Variants in ADAMTS6 observed in about 807,000 individuals in gnomAD.
The protein encoded by ADAMTS6 is A disintegrin and metalloproteinase with thrombospondin motifs 6.
Under a neutral mutation model 144.3 loss-of-function variants are expected in ADAMTS6, and 23 were observed. The ratio of observed to expected loss-of-function variants is 0.16; its 90% CI spans 0.11 to 0.23. The LOEUF is 0.23. Among genes scored for constraint, ADAMTS6 ranks in the 10% least tolerant of loss-of-function variants. The probability of loss-of-function intolerance (pLI) is 1.00; values close to 1 mark genes in which losing one functional copy is unlikely to be tolerated. For synonymous variants in ADAMTS6, 444 were observed against 457.5 expected, an observed-to-expected ratio of 0.97 and a Z score of 0.38; for missense variants, 999 against 1,379.6, an observed-to-expected ratio of 0.72 and a Z score of 4.37.
chr5:65,164,016 GA>G (rs1752965593), intron 24 of ADAMTS6, among the ~76,000 whole-genome samples: 1 of 152,190 alleles, frequency 6.6e-6, no homozygotes, highest in African/African-American at 2.4e-5. Context: ...AAAACAGACA[GA>G]GGGGGAGGAG....
intron 7 of ADAMTS6, among the ~76,000 whole-genome samples, chr5:65,450,604 T>C (rs1465678394): frequency 2.0e-5 from 3 of 152,150 alleles, no homozygotes; most frequent in Admixed American, 2.0e-4. Context: ...TGATAAGAAG[T>C]CAAAAGGCAC....
rs771416850 is a variant in ADAMTS6 at position 65,451,461 on chromosome 5, G to A, written c.1073+14C>T. 1 of 1,612,114 alleles carries A rather than the reference G, an allele frequency of 6.2e-7. No individual in the cohort carries two copies. The highest frequency in any genetic ancestry group is 8.5e-7 in the Non-Finnish European group (1 of 1,179,364). ...CACAACAATCAATGGAAAAATACTT[G>A]CAACAAACCATACCTAGTAATAAGA... On this transcript the variant is annotated intron_variant, in intron 7 of 24. Transcript: ENST00000381055.
chr5:65,390,376 C>T (rs1412890454), intron 7 of ADAMTS6, among the ~76,000 whole-genome samples: 1 of 152,082 alleles, frequency 6.6e-6, no homozygotes, highest in African/African-American at 2.4e-5. Flanking sequence ...AGTAGGCTGA[C>T]AGAGATTTCC....
intron 7 of ADAMTS6, among the ~76,000 whole-genome samples, chr5:65,372,233 C>A (rs1405218549): frequency 6.8e-6 from 1 of 146,586 alleles, no homozygotes; most frequent in South Asian, 2.1e-4. Flanking sequence ...ATCATAATGA[C>A]AAGATCAAAT....
chr5:65,444,370 C>G (rs775839911), intron 7 of ADAMTS6, among the ~76,000 whole-genome samples: 3 of 152,042 alleles, frequency 2.0e-5, no homozygotes, highest in Non-Finnish European at 4.4e-5. Context: ...CTGACACACA[C>G]ACAAAAAGCT....
intron 20 of ADAMTS6, among the ~76,000 whole-genome samples, chr5:65,207,826 C>T (rs1437131362): frequency 6.6e-6 from 1 of 152,202 alleles, no homozygotes; most frequent in Non-Finnish European, 1.5e-5. Context: ...TGGTTGAATA[C>T]CCGACCATCT....
intron 10 of ADAMTS6, among the ~76,000 whole-genome samples, chr5:65,298,272 A>G (rs565688712): frequency 1.3e-5 from 2 of 152,254 alleles, no homozygotes; most frequent in African/African-American, 4.8e-5. Flanking sequence ...CAGACACAAG[A>G]TAAAAGAGAA....
chr5:65,271,204 G>T (rs1580250089), intron 12 of ADAMTS6, among the ~76,000 whole-genome samples: 1 of 151,494 alleles, frequency 6.6e-6, no homozygotes, highest in Non-Finnish European at 1.5e-5. Flanking sequence ...CCTGGCCAAA[G>T]TGGTGAAACC....
chr5:65,294,076 T>C (rs1160840834), intron 10 of ADAMTS6, among the ~76,000 whole-genome samples: 1 of 152,210 alleles, frequency 6.6e-6, no homozygotes, highest in Non-Finnish European at 1.5e-5. Flanking sequence ...TGGGGATGTA[T>C]CTGCAAGGTG....
chr5:65,363,037 T>C (rs928789284), intron 7 of ADAMTS6, among the ~76,000 whole-genome samples: 2 of 152,180 alleles, frequency 1.3e-5, no homozygotes, highest in East Asian at 3.8e-4. Context: ...CTCATAAAGA[T>C]GTACCCCAAG....
At chr5:65,437,806 T>C (rs1757557295) in intron 7 of ADAMTS6, among the ~76,000 whole-genome samples, 3 of 152,228 alleles carry the variant, frequency 2.0e-5, no homozygotes, top group Non-Finnish European at 2.9e-5. Context: ...TTTTTATTGT[T>C]GTATTGTTAT....
intron 7 of ADAMTS6, among the ~76,000 whole-genome samples, chr5:65,365,736 A>G (rs528433725): frequency 1.3e-5 from 2 of 152,220 alleles, no homozygotes; most frequent in Non-Finnish European, 2.9e-5. Context: ...ACCCTGTTAT[A>G]AGGACCCTAT....
At chr5:65,334,213 T>G in intron 7 of ADAMTS6, 128 bp from the exon 8 acceptor site, 6 of 1,065,716 alleles carry the variant, frequency 5.6e-6, no homozygotes. Context: ...TCAACTGGAG[T>G]GTCGGCATTT....
intron 22 of ADAMTS6, among the ~76,000 whole-genome samples, chr5:65,182,021 C>A (rs907836209): frequency 6.6e-6 from 1 of 152,150 alleles, no homozygotes; most frequent in Non-Finnish European, 1.5e-5. Flanking sequence ...AGCTGCCTTT[C>A]CTAAAATCAT....
At chr5:65,172,629 TG>T (rs1039225134) in intron 23 of ADAMTS6, among the ~76,000 whole-genome samples, 4 of 152,132 alleles carry the variant, frequency 2.6e-5, no homozygotes, top group African/African-American at 9.7e-5. Context: ...TGTGTGGGTG[TG>T]GGAGAATCAC....
chr5:65,300,958 T>C (rs1040080018), intron 9 of ADAMTS6, among the ~76,000 whole-genome samples: 3 of 152,190 alleles, frequency 2.0e-5, no homozygotes, highest in Non-Finnish European at 4.4e-5. Flanking sequence ...TTAATATTAA[T>C]AAAAGAGAAT....
At chr5:65,345,605 A>T (rs914075253) in intron 7 of ADAMTS6, among the ~76,000 whole-genome samples, 9 of 151,792 alleles carry the variant, frequency 5.9e-5, no homozygotes, top group Non-Finnish European at 1.3e-4. Context: ...AAAATTTAGA[A>T]ACTTTTCTAT....
At chr5:65,315,375 GAA>G (rs1365128369) in intron 9 of ADAMTS6, among the ~76,000 whole-genome samples, 2 of 151,492 alleles carry the variant, frequency 1.3e-5, no homozygotes, top group East Asian at 3.8e-4. Context: ...TATGCTAAGA[GAA>G]GAGATAAAAT....
Position 65,371,720 on chromosome 5 carries a change from T to A in ADAMTS6, c.1074-37635A>T, listed in dbSNP as rs1015733957. Among the ~76,000 whole-genome samples, 13 of 152,072 alleles carry A rather than the reference T, an allele frequency of 8.5e-5. 1 individual carries two copies. Among genetic ancestry groups the A allele is most frequent in the African/African-American group, 3.1e-4 (13 of 41,422 alleles). ...CTGCAGGATATTATCCAGGAGAACTTCCCCAATCTAGCAAGGCAGGCCAAC... is the reference window on the plus strand; with the variant it reads ...CTGCAGGATATTATCCAGGAGAACTACCCCAATCTAGCAAGGCAGGCCAAC... On this transcript the variant is annotated intron_variant, in intron 7 of 24. Transcript: ENST00000381055.
Sources: gnomAD v4.1 joint callset for allele counts (sites outside exome capture counted in the v4.1 genomes callset) on GRCh38, gnomAD v4.1.1 for gene constraint, MANE v1.5 for transcripts, NCBI Gene and HGNC (gene_info 2026-07-23, HGNC 2026-07-21) for gene names.